Variants in NAV2 observed in about 807,000 individuals in gnomAD.
NAV2 encodes helicase, APC down-regulated 1.
In NAV2, 54 loss-of-function variants were observed where a neutral mutation model predicts 223.2. That is an observed-to-expected ratio of 0.24 (90% CI 0.19 to 0.30). NAV2 has a LOEUF of 0.30. Among genes scored for constraint, NAV2 ranks in the 10% least tolerant of loss-of-function variants. NAV2 has a pLI of 1.00. For synonymous variants in NAV2, 1,279 were observed against 1,239.3 expected (o/e 1.03, Z -0.67); for missense variants, 2,806 against 3,147.5 (o/e 0.89, Z 2.60).
intron 11 of NAV2, among the ~76,000 whole-genome samples, chr11:19,993,399 G>A (rs1489401699): frequency 2.0e-5 from 3 of 152,282 alleles, no homozygotes; most frequent in South Asian, 2.1e-4. Context: ...AATGACCCAC[G>A]TAACTTTTCC....
chr11:19,755,188 A>C (rs1178167952), intron 1 of NAV2, among the ~76,000 whole-genome samples: 1 of 152,228 alleles, frequency 6.6e-6, no homozygotes, highest in Non-Finnish European at 1.5e-5. Flanking sequence ...TTACGTGTAC[A>C]TTTTCACATT....
At chr11:20,066,874 G>A (rs550703167) in intron 20 of NAV2, among the ~76,000 whole-genome samples, 23 of 152,306 alleles carry the variant, frequency 1.5e-4, no homozygotes, top group African/African-American at 4.3e-4. Context: ...TGGGTACAGC[G>A]ATGGGTAGAG....
chr11:20,101,966 G>C (rs1185358315), intron 32 of NAV2, among the ~76,000 whole-genome samples: 1 of 152,208 alleles, frequency 6.6e-6, no homozygotes, highest in Non-Finnish European at 1.5e-5. Flanking sequence ...CACCTAGTGT[G>C]CTTGAAGATA....
chr11:19,455,016 TCA>T (rs1304230535), intron 1 of NAV2, among the ~76,000 whole-genome samples: 1 of 152,170 alleles, frequency 6.6e-6, no homozygotes, highest in East Asian at 1.9e-4. Context: ...ATTTACTGAA[TCA>T]CAGACTCTGG....
rs2063455879 is a variant in NAV2, at chr11:20,121,183, A to T, written c.*2925A>T. ...TTGATTGTGGCGAATCTACTTCAAA[A>T]AGGAAAAATAATCCAACTTTGTGGA... On this transcript the variant is annotated 3_prime_UTR_variant, in exon 38 of 38. Coordinates refer to ENST00000349880, the MANE Select transcript of NAV2 (RefSeq NM_145117.5). 6.5e-6 allele frequency: 1 copy of T among 152,678 alleles called. No individual in the cohort carries two copies. Among genetic ancestry groups the T allele is most frequent in the Admixed American group, 6.5e-5 (1 of 15,290 alleles). 9.5% of individuals were successfully genotyped at this position (152,678 alleles called of 1,614,324 possible).
chr11:19,465,595 T>G (rs539224525), intron 1 of NAV2, among the ~76,000 whole-genome samples: 7 of 152,326 alleles, frequency 4.6e-5, no homozygotes, highest in Non-Finnish European at 1.0e-4. Flanking sequence ...GAAAGTCCCC[T>G]GATTAGGGCT....
At chr11:19,748,161 G>A (rs564574899) in intron 1 of NAV2, among the ~76,000 whole-genome samples, 70 of 152,332 alleles carry the variant, frequency 4.6e-4, no homozygotes, top group African/African-American at 1.5e-3. Context: ...TTCAAAGCAA[G>A]TCACAGTCAA....
At chr11:19,345,703 G>A in the NAV2 span, among the ~76,000 whole-genome samples, 1 of 152,372 alleles carries the variant, frequency 6.6e-6, no homozygotes, top group East Asian at 1.9e-4. This position sits in a 1 kb window ranked among gnomAD's most constrained non-coding sequence, Gnocchi z 5.2. Context: ...GCAGTGCTCC[G>A]AGGCTGCTCT....
Position 20,077,640 on chromosome 11 carries a change from G to A in NAV2, c.5067+5G>A, listed in dbSNP as rs1287917421. 3.1e-6 allele frequency: 5 copies of A among 1,612,038 alleles called. No homozygotes were observed. The highest frequency in any genetic ancestry group is 4.2e-6 in the Non-Finnish European group (5 of 1,178,252). ...ACCATGACAGCTGAGCAGAAGGTAA[G>A]GCAGAAAGGATACTTTAACCCTCCC... is the stretch of plus-strand genomic sequence containing the variant. On this transcript the variant is annotated splice_donor_5th_base_variant and intron_variant, in intron 23 of 37. Transcript: ENST00000349880.
intron 22 of NAV2, among the ~76,000 whole-genome samples, chr11:20,069,688 T>C (rs575722136): frequency 6.6e-6 from 1 of 152,228 alleles, no homozygotes; most frequent in South Asian, 2.1e-4. Context: ...CCTGAGCCCG[T>C]TGATAAACGT....
chr11:19,501,267 G>A (rs1188005196), intron 1 of NAV2, among the ~76,000 whole-genome samples: 1 of 152,126 alleles, frequency 6.6e-6, no homozygotes, highest in South Asian at 2.1e-4. Flanking sequence ...AATTACATTT[G>A]CACAGTCCCT....
At chr11:19,533,771 A>G (rs1590433743) in intron 1 of NAV2, among the ~76,000 whole-genome samples, 1 of 112,780 alleles carries the variant, frequency 8.9e-6, no homozygotes, top group South Asian at 2.4e-4. Flanking sequence ...CAGTGGCGGG[A>G]TCTCGGCTCA....
At chr11:19,962,066 C>A (rs2153409150) in intron 10 of NAV2, among the ~76,000 whole-genome samples, 1 of 151,742 alleles carries the variant, frequency 6.6e-6, no homozygotes, top group South Asian at 2.1e-4. Context: ...GGGGATTCTA[C>A]CTTTAGACTG....
At chr11:20,096,465 T>C (rs532652989) in intron 30 of NAV2, among the ~76,000 whole-genome samples, 1 of 152,286 alleles carries the variant, frequency 6.6e-6, no homozygotes, top group Middle Eastern at 3.4e-3. Context: ...GTAGTAATAA[T>C]AGTCCACGTT....
chr11:19,947,374 AGAG>A (rs1399212027), intron 9 of NAV2, among the ~76,000 whole-genome samples: 1 of 152,230 alleles, frequency 6.6e-6, no homozygotes, highest in Non-Finnish European at 1.5e-5. Context: ...TGGCTCTTCC[AGAG>A]GAGAGTAAAC....
intron 1 of NAV2, among the ~76,000 whole-genome samples, chr11:19,667,845 A>G (rs2048458530): frequency 6.6e-6 from 1 of 152,230 alleles, no homozygotes; most frequent in African/African-American, 2.4e-5. Flanking sequence ...AAGGAATTTC[A>G]ACATAACTCA....
chr11:19,742,154 A>AAG, intron 1 of NAV2, among the ~76,000 whole-genome samples: 1 of 152,204 alleles, frequency 6.6e-6, no homozygotes, highest in East Asian at 1.9e-4. Flanking sequence ...ACCCCTCCTG[A>AAG]GCCCCTTATA....
chr11:19,362,108 T>C (rs1853986922), intron 1 of NAV2, among the ~76,000 whole-genome samples: 1 of 152,184 alleles, frequency 6.6e-6, no homozygotes, highest in African/African-American at 2.4e-5. Context: ...GTATACACTG[T>C]CACTTTAACT....
At chr11:20,090,812 C>T (rs1263886271) in intron 26 of NAV2, 53 bp from the exon 27 acceptor site, 2 of 1,576,826 alleles carry the variant, frequency 1.3e-6, no homozygotes, top group Non-Finnish European at 1.7e-6. Flanking sequence ...GACCAGTGTT[C>T]AGTAGGGGAC....
Sources: gnomAD v4.1 joint callset for allele counts (sites outside exome capture counted in the v4.1 genomes callset) on GRCh38, gnomAD v4.1.1 for gene constraint, Gnocchi (gnomAD v3.1) non-coding constraint, MANE v1.5 for transcripts, NCBI Gene and HGNC (gene_info 2026-07-23, HGNC 2026-07-21) for gene names.